Variants in RIC8B observed in about 807,000 individuals in gnomAD.
RIC8B encodes chaperone Ric-8B.
Under a neutral mutation model 57.5 loss-of-function variants are expected in RIC8B, and 16 were observed. The ratio of observed to expected loss-of-function variants is 0.28; its 90% CI spans 0.19 to 0.42. RIC8B has a LOEUF of 0.42. RIC8B is among the 10% of genes least tolerant of loss of function. RIC8B has a pLI of 1.00. For missense variants in RIC8B, 481 were observed against 677.0 expected (o/e 0.71, Z 3.21); for synonymous variants, 216 against 250.8 (o/e 0.86, Z 1.31).
intron 3 of RIC8B, chr12:106,823,484 T>C: frequency 2.2e-6 from 1 of 455,878 alleles, no homozygotes; most frequent in South Asian, 1.6e-5. Context: ...CTGCAAATAA[T>C]GGAAAGACCA....
chr12:106,807,010 C>A (rs1426065139), intron 2 of RIC8B, among the ~76,000 whole-genome samples: 1 of 152,194 alleles, frequency 6.6e-6, no homozygotes, highest in Non-Finnish European at 1.5e-5. Context: ...TCATCCCCTT[C>A]TCAATAAATG....
At chr12:106,872,048 G>A (rs980533305) in intron 9 of RIC8B, among the ~76,000 whole-genome samples, 3 of 152,218 alleles carry the variant, frequency 2.0e-5, no homozygotes, top group Non-Finnish European at 2.9e-5. Context: ...AAGCTAATAA[G>A]ACTAGAACTC....
At chr12:106,793,937 G>C (rs1489224697) in intron 2 of RIC8B, among the ~76,000 whole-genome samples, 1 of 136,576 alleles carries the variant, frequency 7.3e-6, no homozygotes, top group Non-Finnish European at 1.6e-5. Flanking sequence ...GGGTGGGGGT[G>C]GGGGAGGGAA....
In RIC8B at chr12:106,792,356, C is replaced by T. The variant is rs1287959807; in HGVS notation, c.132+8312C>T. On this transcript the variant is annotated intron_variant, in intron 2 of 9. Coordinates refer to ENST00000392837, the MANE Select transcript of RIC8B (RefSeq NM_001330145.2). Reference sequence around the variant, plus strand: ...ACAGGACAGCCCTGACTTAGTAAGCCACAGGTATGGCAGTCTATACATGAT... The same window carrying T: ...ACAGGACAGCCCTGACTTAGTAAGCTACAGGTATGGCAGTCTATACATGAT... Among the ~76,000 whole-genome samples the T allele has an allele frequency of 2.6e-5, 4 of 152,052 alleles. No homozygotes were observed. The South Asian group carries it at 6.2e-4, about 24-fold the overall frequency.
At chr12:106,794,373 A>G (rs2044383728) in intron 2 of RIC8B, among the ~76,000 whole-genome samples, 1 of 152,162 alleles carries the variant, frequency 6.6e-6, no homozygotes, top group Admixed American at 6.5e-5. Flanking sequence ...AGGAGAGAGA[A>G]AGAAAGGAGA....
chr12:106,776,223 TC>T (rs575109232), intron 1 of RIC8B, among the ~76,000 whole-genome samples: 46 of 152,348 alleles, frequency 3.0e-4, no homozygotes, highest in African/African-American at 1.1e-3. Flanking sequence ...ATAGGTTCTA[TC>T]TATTCATATC....
chr12:106,823,354 G>C, intron 3 of RIC8B: 1 of 440,606 alleles, frequency 2.3e-6, no homozygotes, highest in Non-Finnish European at 4.6e-6. Context: ...GTTTTGAGTA[G>C]AGAAATAGAG....
chr12:106,848,008 G>A (rs749038078), intron 6 of RIC8B, among the ~76,000 whole-genome samples: 1 of 152,110 alleles, frequency 6.6e-6, no homozygotes, highest in African/African-American at 2.4e-5. Context: ...TACTACGTCC[G>A]GTGGTGACAA....
chr12:106,813,616 T>C (rs2045438263), intron 2 of RIC8B, among the ~76,000 whole-genome samples: 1 of 152,204 alleles, frequency 6.6e-6, no homozygotes, highest in South Asian at 2.1e-4. Context: ...TTGTAGCTGA[T>C]GACTATGTGC....
At chr12:106,869,587 C>A (rs1013028736) in intron 8 of RIC8B, among the ~76,000 whole-genome samples, 2 of 152,096 alleles carry the variant, frequency 1.3e-5, no homozygotes, top group African/African-American at 2.4e-5. Flanking sequence ...TGTTCATAGA[C>A]CCTAGAAAGC....
intron 1 of RIC8B, among the ~76,000 whole-genome samples, chr12:106,777,078 C>T (rs548030600): frequency 1.4e-4 from 21 of 152,324 alleles, no homozygotes; most frequent in Non-Finnish European, 1.3e-4. Flanking sequence ...GCCCAGGCTG[C>T]TCTCAAACTG....
intron 9 of RIC8B, among the ~76,000 whole-genome samples, chr12:106,883,224 AC>A (rs1412019008): frequency 6.6e-6 from 1 of 151,884 alleles, no homozygotes; most frequent in East Asian, 1.9e-4. Flanking sequence ...GAGTTTACCA[AC>A]CCCTTCAGAC....
intron 2 of RIC8B, among the ~76,000 whole-genome samples, chr12:106,789,899 T>C (rs936093322): frequency 1.3e-5 from 2 of 150,790 alleles, no homozygotes; most frequent in African/African-American, 4.9e-5. Context: ...TGTGACAACT[T>C]AGAAGTAAGT....
chr12:106,852,884 T>C (rs1272090392), intron 7 of RIC8B, among the ~76,000 whole-genome samples: 2 of 152,272 alleles, frequency 1.3e-5, no homozygotes, highest in African/African-American at 4.8e-5. Flanking sequence ...CACATAGTTA[T>C]CTGTAAATAT....
At chr12:106,878,535 GC>G (rs1484571448) in intron 9 of RIC8B, among the ~76,000 whole-genome samples, 2 of 152,102 alleles carry the variant, frequency 1.3e-5, no homozygotes, top group Non-Finnish European at 2.9e-5. Flanking sequence ...TAATTAAAAT[GC>G]TTTATTTATA....
chr12:106,827,011 G>C (rs1481372652), intron 4 of RIC8B, among the ~76,000 whole-genome samples: 1 of 152,116 alleles, frequency 6.6e-6, no homozygotes, highest in East Asian at 1.9e-4. Flanking sequence ...GGAGGTGAAG[G>C]TTGCCATGAG....
At chr12:106,821,654 A>C (rs78697726) in intron 3 of RIC8B, among the ~76,000 whole-genome samples, 2,526 of 152,334 alleles carry the variant, frequency 0.017, 30 homozygotes, top group Non-Finnish European at 0.028. Context: ...TTTTCATTAA[A>C]GTGAATTCAT....
intron 1 of RIC8B, among the ~76,000 whole-genome samples, chr12:106,775,630 A>G (rs775311269): frequency 6.6e-6 from 1 of 152,256 alleles, no homozygotes; most frequent in African/African-American, 2.4e-5. Context: ...CCACTTCACA[A>G]CTCTGCGTAA....
At chr12:106,857,235 G>A (rs1949748951) in intron 7 of RIC8B, among the ~76,000 whole-genome samples, 1 of 152,114 alleles carries the variant, frequency 6.6e-6, no homozygotes, top group Non-Finnish European at 1.5e-5. Flanking sequence ...AGACTGTATG[G>A]ACACCAAGAC....
Sources: allele counts gnomAD v4.1 joint callset (sites outside exome capture counted in the v4.1 genomes callset), GRCh38; gene constraint gnomAD v4.1.1; transcripts MANE v1.5; gene names NCBI Gene and HGNC (gene_info 2026-07-23, HGNC 2026-07-21).